The following SPATS2 variants were observed in gnomAD, a reference collection of about 807,000 sequenced individuals.
SPATS2 encodes the protein spermatogenesis associated serine rich 2.
In SPATS2, 38 loss-of-function variants were observed where a neutral mutation model predicts 63.7. The observed-to-expected ratio is 0.60, with a 90% CI of 0.46 to 0.78. The LOEUF is 0.78. SPATS2 is among the 30% of genes least tolerant of loss of function. The pLI is 0.00. For missense variants in SPATS2, 588 were observed against 666.2 expected, an observed-to-expected ratio of 0.88 and a Z score of 1.29; for synonymous variants, 207 against 232.9, an observed-to-expected ratio of 0.89 and a Z score of 1.01.
chr12:49,523,339 G>T (rs12314348), intron 12 of SPATS2, among the ~76,000 whole-genome samples: 2,086 of 151,046 alleles, frequency 0.014, 45 homozygotes, highest in African/African-American at 0.046. Flanking sequence ...AAATTAGCCA[G>T]GTGTGGTGGC....
At chr12:49,427,114 A>C (rs1944119751) in intron 2 of SPATS2, among the ~76,000 whole-genome samples, 1 of 152,088 alleles carries the variant, frequency 6.6e-6, no homozygotes, top group African/African-American at 2.4e-5. Flanking sequence ...CAGTTACTTC[A>C]CATCCTCCTA....
At chr12:49,390,702 T>C (rs1228988871) in intron 2 of SPATS2, among the ~76,000 whole-genome samples, 2 of 152,184 alleles carry the variant, frequency 1.3e-5, no homozygotes, top group Non-Finnish European at 2.9e-5. Context: ...GAATGTGTTA[T>C]ATGTACCATA....
intron 2 of SPATS2, among the ~76,000 whole-genome samples, chr12:49,420,631 T>C (rs1035372065): frequency 5.3e-4 from 81 of 152,262 alleles, no homozygotes; most frequent in African/African-American, 1.9e-3. Flanking sequence ...ATGTAAAAGA[T>C]GTTATTTAAT....
chr12:49,416,471 TTTTTA>T (rs141815202), intron 2 of SPATS2, among the ~76,000 whole-genome samples: 147 of 150,916 alleles, frequency 9.7e-4, no homozygotes, highest in East Asian at 4.4e-3. Flanking sequence ...TTTTATCACC[TTTTTA>T]TTTTATTTTA....
chr12:49,445,935 C>CACT (rs1945502847), intron 2 of SPATS2, among the ~76,000 whole-genome samples: 1 of 152,116 alleles, frequency 6.6e-6, no homozygotes, highest in Admixed American at 6.6e-5. Flanking sequence ...GACAGAGTCG[C>CACT]ACTCTGTAGC....
intron 2 of SPATS2, among the ~76,000 whole-genome samples, chr12:49,390,710 A>G (rs1477051493): frequency 3.3e-5 from 5 of 152,238 alleles, no homozygotes; most frequent in Non-Finnish European, 7.3e-5. Context: ...TATATGTACC[A>G]TAAACAAAAA....
At chr12:49,415,540 G>C (rs2137386634) in intron 2 of SPATS2, among the ~76,000 whole-genome samples, 1 of 152,128 alleles carries the variant, frequency 6.6e-6, no homozygotes, top group East Asian at 1.9e-4. Context: ...GTTGATACTT[G>C]ATATTCTACC....
chr12:49,406,418 G>A (rs1014085629), intron 2 of SPATS2: 6 of 152,010 alleles, frequency 3.9e-5, no homozygotes, highest in African/African-American at 1.5e-4. Context: ...CCCAGTAGCT[G>A]GGACTGCAGA....
chr12:49,455,290 C>T (rs917732619), intron 2 of SPATS2, among the ~76,000 whole-genome samples: 4 of 152,116 alleles, frequency 2.6e-5, no homozygotes, highest in Non-Finnish European at 5.9e-5. Flanking sequence ...TTCCACTGGG[C>T]CTTTTTGAGT....
chr12:49,389,823 A>G lies in SPATS2; in HGVS notation c.-244+18533A>G, dbSNP rs139568807. 3.7e-3 allele frequency: 3,418 copies of G among 917,820 alleles called. 15 individuals are homozygous for G. The highest frequency in any genetic ancestry group is 4.8e-3 in the Non-Finnish European group (2,605 of 545,804). 56.9% of individuals were successfully genotyped at this position (917,820 alleles called of 1,614,324 possible). On this transcript the variant is annotated intron_variant, in intron 2 of 13. Coordinates refer to ENST00000552918, the MANE Select transcript of SPATS2 (RefSeq NM_023071.4). ...GTCGGCCTTGGAACTTACGATGAGC[A>G]AGTATCGAGAACAAATGGTTAGATT...
At chr12:49,520,130 C>T (rs1946916521) in intron 11 of SPATS2, among the ~76,000 whole-genome samples, 2 of 152,178 alleles carry the variant, frequency 1.3e-5, no homozygotes, top group Non-Finnish European at 2.9e-5. Context: ...TAGGCATGCG[C>T]CACCATGCCC....
intron 2 of SPATS2, among the ~76,000 whole-genome samples, chr12:49,391,739 A>C (rs1304859610): frequency 1.3e-5 from 2 of 152,116 alleles, no homozygotes; most frequent in Non-Finnish European, 2.9e-5. Context: ...TTGAGTATAT[A>C]ATTTTTTAAA....
rs12320104 is a variant in SPATS2 at position 49,526,612 on chromosome 12, C to A, written c.*357C>A. On this transcript the variant is annotated 3_prime_UTR_variant, in exon 14 of 14. Transcript: ENST00000552918. Reference sequence around the variant, plus strand: ...AGTCTGTCACCTTTCCAATCTAAGCCGAAGCCACAGGTGCCTGACAGGTTC... The same window carrying A: ...AGTCTGTCACCTTTCCAATCTAAGCAGAAGCCACAGGTGCCTGACAGGTTC... 0.01 allele frequency: 2,308 copies of A among 220,272 alleles called. 50 individuals are homozygous for A. Among genetic ancestry groups the A allele is most frequent in the African/African-American group, 0.047 (2,019 of 43,264 alleles). The allele number at this position is 220,272 out of a possible 1,614,324, so 13.6% of individuals were successfully genotyped here.
At chr12:49,387,824 A>T (rs977853165) in intron 2 of SPATS2, among the ~76,000 whole-genome samples, 3 of 151,902 alleles carry the variant, frequency 2.0e-5, no homozygotes, top group African/African-American at 7.3e-5. Context: ...TCTTACCTAG[A>T]TCCCCTGCTG....
chr12:49,522,679 C>G (rs1056336351), intron 11 of SPATS2, 72 bp from the exon 12 acceptor site: 4 of 1,223,234 alleles, frequency 3.3e-6, no homozygotes, highest in Non-Finnish European at 1.2e-6. Context: ...ATTGTTTAAT[C>G]TGTATAGCAA....
chr12:49,378,630 C>T (rs993349647), intron 2 of SPATS2, among the ~76,000 whole-genome samples: 1 of 151,164 alleles, frequency 6.6e-6, no homozygotes, highest in African/African-American at 2.4e-5. Context: ...GGGTCTAGCC[C>T]TGTCGCCTAG....
intron 4 of SPATS2, among the ~76,000 whole-genome samples, chr12:49,489,245 G>T (rs1410050998): frequency 1.3e-5 from 2 of 152,036 alleles, no homozygotes; most frequent in Admixed American, 1.3e-4. Context: ...TTCTAGCAAT[G>T]TTCTGCATTT....
intron 2 of SPATS2, among the ~76,000 whole-genome samples, chr12:49,396,290 T>A (rs1301986622): frequency 2.0e-5 from 3 of 152,244 alleles, no homozygotes; most frequent in Non-Finnish European, 4.4e-5. Flanking sequence ...TCATATGTTT[T>A]CCATAGCAGC....
chr12:49,503,152 C>T (rs1003519425), intron 9 of SPATS2, among the ~76,000 whole-genome samples: 4 of 151,964 alleles, frequency 2.6e-5, no homozygotes. Flanking sequence ...GAGTTCAAGA[C>T]CAGCTTGGCC....
Sources: allele counts gnomAD v4.1 joint callset (sites outside exome capture counted in the v4.1 genomes callset), GRCh38; gene constraint gnomAD v4.1.1; transcripts MANE v1.5; gene names NCBI Gene and HGNC (gene_info 2026-07-23, HGNC 2026-07-21).